Variants in LDB2 observed in about 807,000 individuals in gnomAD.
The protein encoded by LDB2 is LIM domain-binding protein 2.
In LDB2, 12 loss-of-function variants were observed where a neutral mutation model predicts 44.3. That is an observed-to-expected ratio of 0.27 (90% CI 0.17 to 0.44). LDB2 has a LOEUF of 0.44. Among genes scored for constraint, LDB2 ranks in the 20% least tolerant of loss-of-function variants. The probability of loss-of-function intolerance (pLI) is 1.00; values close to 1 mark genes in which losing one functional copy is unlikely to be tolerated. For missense variants in LDB2, 344 were observed against 473.5 expected, an observed-to-expected ratio of 0.73 and a Z score of 2.54; for synonymous variants, 164 against 174.8, an observed-to-expected ratio of 0.94 and a Z score of 0.49.
intron 2 of LDB2, among the ~76,000 whole-genome samples, chr4:16,752,882 G>GAAA (rs201089189): frequency 7.1e-5 from 10 of 141,756 alleles, no homozygotes; most frequent in African/African-American, 1.8e-4. Context: ...TCAATGGATG[G>GAAA]AAAAAAAAAA....
At chr4:16,579,608 C>T (rs979853260) in intron 5 of LDB2, among the ~76,000 whole-genome samples, 1 of 152,026 alleles carries the variant, frequency 6.6e-6, no homozygotes, top group African/African-American at 2.4e-5. Flanking sequence ...GGCCTCATAC[C>T]ATGTTGCCTT....
intron 1 of LDB2, among the ~76,000 whole-genome samples, chr4:16,800,892 G>A (rs1380125383): frequency 6.6e-6 from 1 of 152,162 alleles, no homozygotes; most frequent in African/African-American, 2.4e-5. Context: ...AGCCAGGATG[G>A]TCTCGATCTC....
intron 1 of LDB2, among the ~76,000 whole-genome samples, chr4:16,876,919 TCC>T (rs1561514173): frequency 6.2e-5 from 9 of 146,328 alleles, no homozygotes; most frequent in Non-Finnish European, 8.9e-5. Flanking sequence ...TTTTTTTTTT[TCC>T]TTAGAGACAA....
At chr4:16,731,628 G>T (rs1471596154) in intron 2 of LDB2, among the ~76,000 whole-genome samples, 1 of 152,190 alleles carries the variant, frequency 6.6e-6, no homozygotes, top group East Asian at 1.9e-4. Context: ...TTTTGATCTT[G>T]ACTTTCCAGC....
chr4:16,777,710 G>A (rs965142458), intron 1 of LDB2, among the ~76,000 whole-genome samples: 3 of 152,040 alleles, frequency 2.0e-5, no homozygotes, highest in Non-Finnish European at 2.9e-5. Flanking sequence ...TTCTGGCCTC[G>A]GTTTCCCCAT....
intron 1 of LDB2, among the ~76,000 whole-genome samples, chr4:16,891,930 T>C (rs2110522753): frequency 6.6e-6 from 1 of 152,350 alleles, no homozygotes; most frequent in African/African-American, 2.4e-5. Context: ...GAAGCTAAAC[T>C]ACCGTCTATT....
chr4:16,879,571 T>G (rs1165225819), intron 1 of LDB2, among the ~76,000 whole-genome samples: 3 of 152,188 alleles, frequency 2.0e-5, no homozygotes, highest in African/African-American at 7.2e-5. Context: ...TTTTCCTACT[T>G]TCAGTGCTTC....
chr4:16,575,482 T>C (rs1334580135), intron 5 of LDB2, among the ~76,000 whole-genome samples: 1 of 152,204 alleles, frequency 6.6e-6, no homozygotes, highest in Non-Finnish European at 1.5e-5. Context: ...GACCATTCCA[T>C]CCAAAGGCTG....
chr4:16,897,912 A>ATATATATATATACACATATG (rs1725614794), intron 1 of LDB2, among the ~76,000 whole-genome samples: 1 of 15,664 alleles, frequency 6.4e-5, no homozygotes, highest in African/African-American at 5.7e-4. Flanking sequence ...ATATATATAT[A>ATATATATATATACACATATG]TATATATATA....
chr4:16,834,968 A>T (rs960497487), intron 1 of LDB2, among the ~76,000 whole-genome samples: 1 of 152,236 alleles, frequency 6.6e-6, no homozygotes, highest in Non-Finnish European at 1.5e-5. Context: ...CCTACATTCC[A>T]GATGAGGAAA....
chr4:16,573,968 G>A (rs1036552976), intron 5 of LDB2, among the ~76,000 whole-genome samples: 3 of 152,140 alleles, frequency 2.0e-5, no homozygotes, highest in Non-Finnish European at 4.4e-5. Context: ...AACCTCGGCC[G>A]GATTCCAAAT....
rs1715741502 is a variant in LDB2, at chr4:16,869,316, A to AC, written c.132+29037_132+29038insG. The stretch of plus-strand genomic sequence containing the variant: ...AAATGCAAAAGTCATAAAAAAAAAA[A>AC]AAACTCAGAAATGCTCGAAGTTTTG... On this transcript the variant is annotated intron_variant, in intron 1 of 7. Transcript: ENST00000304523. Among the ~76,000 whole-genome samples, 4 of 151,972 alleles carry AC rather than the reference A, an allele frequency of 2.6e-5. No individual in the cohort carries two copies. The South Asian group carries it at 8.3e-4, about 32-fold the overall frequency.
intron 3 of LDB2, among the ~76,000 whole-genome samples, chr4:16,594,758 C>T (rs1720298968): frequency 6.6e-6 from 1 of 152,184 alleles, no homozygotes; most frequent in Non-Finnish European, 1.5e-5. Flanking sequence ...GATGATTCAA[C>T]CTCTCCTAAG....
intron 5 of LDB2, among the ~76,000 whole-genome samples, chr4:16,564,089 A>G (rs747619227): frequency 1.3e-5 from 2 of 152,004 alleles, no homozygotes; most frequent in African/African-American, 2.4e-5. Context: ...CCCCTTCTTA[A>G]TGGTCTTCAA....
chr4:16,709,200 G>C (rs1755328170), intron 2 of LDB2, among the ~76,000 whole-genome samples: 1 of 152,158 alleles, frequency 6.6e-6, no homozygotes, highest in African/African-American at 2.4e-5. Flanking sequence ...TTTAATTAAT[G>C]AGCAGTTTTA....
intron 5 of LDB2, among the ~76,000 whole-genome samples, chr4:16,565,946 CCA>C (rs903860307): frequency 3.4e-4 from 51 of 151,358 alleles, no homozygotes; most frequent in African/African-American, 1.2e-3. Context: ...ATGCATATGA[CCA>C]CACACACACA....
At chr4:16,598,334 A>G (rs369269668) in intron 2 of LDB2, among the ~76,000 whole-genome samples, 59 of 152,234 alleles carry the variant, frequency 3.9e-4, no homozygotes, top group African/African-American at 1.4e-3. Context: ...GAGAAGCCCA[A>G]CCTAGCCATG....
At chr4:16,857,313 C>T (rs1052444709) in intron 1 of LDB2, among the ~76,000 whole-genome samples, 3 of 152,094 alleles carry the variant, frequency 2.0e-5, no homozygotes, top group African/African-American at 7.2e-5. Context: ...CCATCTCTAC[C>T]ACCTCCACTT....
intron 2 of LDB2, among the ~76,000 whole-genome samples, chr4:16,707,413 T>A (rs139635116): frequency 6.6e-6 from 1 of 152,146 alleles, no homozygotes; most frequent in African/African-American, 2.4e-5. Flanking sequence ...CAAATGGACA[T>A]GGGAGTAATG....
Sources: allele counts gnomAD v4.1 joint callset (sites outside exome capture counted in the v4.1 genomes callset), GRCh38; gene constraint gnomAD v4.1.1; transcripts MANE v1.5; gene names NCBI Gene and HGNC (gene_info 2026-07-23, HGNC 2026-07-21).